CMIP: variants seen among roughly 807,000 people sequenced by gnomAD.
The protein encoded by CMIP is C-Maf-inducing protein.
CMIP carries 13 observed loss-of-function variants against 97.3 expected under a neutral mutation model. That is an observed-to-expected ratio of 0.13 (90% CI 0.09 to 0.21). CMIP has a LOEUF of 0.21. CMIP is among the 10% of genes least tolerant of loss of function. CMIP has a pLI of 1.00. For synonymous variants in CMIP, 538 were observed against 436.3 expected, an observed-to-expected ratio of 1.23 and a Z score of -2.91; for missense variants, 847 against 1,024.9, an observed-to-expected ratio of 0.83 and a Z score of 2.37.
rs546636752 is a variant in CMIP at position 81,582,177 on chromosome 16, C to T, written c.301-25390C>T. Among the ~76,000 whole-genome samples, 5 of 152,280 alleles carry T rather than the reference C, an allele frequency of 3.3e-5. No homozygotes were observed. In the South Asian group the frequency reaches 1.0e-3, roughly 32 times the overall value. ...AACTGCCCCCATGATCCAATCACCT[C>T]CCACAGGCCCCTTCTCCAACATTGG... On this transcript the variant is annotated intron_variant, in intron 1 of 20. Coordinates refer to ENST00000537098, the MANE Select transcript of CMIP (RefSeq NM_198390.3).
intron 1 of CMIP, among the ~76,000 whole-genome samples, chr16:81,463,315 G>C (rs1403674719): frequency 6.6e-6 from 1 of 152,198 alleles, no homozygotes; most frequent in Non-Finnish European, 1.5e-5. Flanking sequence ...AATGACTAGA[G>C]AGGGACAGAG....
intron 10 of CMIP, among the ~76,000 whole-genome samples, chr16:81,683,877 T>G (rs1307874376): frequency 2.1e-5 from 3 of 142,032 alleles, no homozygotes; most frequent in African/African-American, 7.9e-5. Flanking sequence ...TTCTCCTGCC[T>G]CAGCCTCCCC....
At chr16:81,681,399 C>T (rs1395942647) in intron 10 of CMIP, among the ~76,000 whole-genome samples, 2 of 152,200 alleles carry the variant, frequency 1.3e-5, no homozygotes, top group African/African-American at 4.8e-5. Flanking sequence ...AGGTTCAAGT[C>T]TCACCCGTGC....
chr16:81,676,037 C>T (rs1321157852), intron 9 of CMIP, among the ~76,000 whole-genome samples: 1 of 152,168 alleles, frequency 6.6e-6, no homozygotes, highest in Non-Finnish European at 1.5e-5. Context: ...GATTTCAGTT[C>T]CATTCCCCTC....
chr16:81,581,018 C>G (rs1344077837), intron 1 of CMIP, among the ~76,000 whole-genome samples: 1 of 152,154 alleles, frequency 6.6e-6, no homozygotes, highest in Non-Finnish European at 1.5e-5. Flanking sequence ...GCAGTACAAT[C>G]ACACAGTACA....
intron 1 of CMIP, among the ~76,000 whole-genome samples, chr16:81,558,873 C>G (rs2090821485): frequency 1.3e-5 from 2 of 152,340 alleles, no homozygotes; most frequent in South Asian, 4.1e-4. Flanking sequence ...GACTTTGTTC[C>G]CTTCAGCGTC....
At chr16:81,553,951 T>C (rs1335421578) in intron 1 of CMIP, among the ~76,000 whole-genome samples, 2 of 152,228 alleles carry the variant, frequency 1.3e-5, no homozygotes, top group African/African-American at 4.8e-5. Flanking sequence ...GGAGCCACCA[T>C]GCAAGCGTTT....
At chr16:81,632,049 A>G (rs983389979) in intron 3 of CMIP, 1 of 152,222 alleles carries the variant, frequency 6.6e-6, no homozygotes, top group African/African-American at 2.4e-5. Context: ...AAAAAAATCA[A>G]GCTATTACCT....
At chr16:81,589,752 A>G (rs1259895365) in intron 1 of CMIP, among the ~76,000 whole-genome samples, 8 of 152,274 alleles carry the variant, frequency 5.3e-5, no homozygotes. Flanking sequence ...AGAAGCACAC[A>G]TACTCAGGCT....
intron 19 of CMIP, among the ~76,000 whole-genome samples, chr16:81,706,363 G>A (rs959846978): frequency 6.6e-6 from 1 of 152,222 alleles, no homozygotes; most frequent in East Asian, 1.9e-4. Flanking sequence ...GACTCCTACC[G>A]GGCCGCTGGC....
intron 1 of CMIP, among the ~76,000 whole-genome samples, chr16:81,569,814 T>C (rs2091051179): frequency 6.6e-6 from 1 of 152,210 alleles, no homozygotes; most frequent in South Asian, 2.1e-4. Context: ...GACTCGGTTT[T>C]CTCATCTGTA....
In CMIP at chr16:81,445,208, C is replaced by CAA; in HGVS notation, c.-34_-33insAA. ...CCCCAGCAGCCCAGGACAGCCCCCT[C>CAA]TCCCCGCCCCCAGCCCCCTCCCCCG... On this transcript the variant is annotated 5_prime_UTR_variant, in exon 1 of 21. Coordinates refer to ENST00000537098, the MANE Select transcript of CMIP (RefSeq NM_198390.3). The CAA allele has an allele frequency of 7.0e-7, 1 of 1,432,494 alleles. No homozygotes were observed. Among genetic ancestry groups the CAA allele is most frequent in the Non-Finnish European group, 9.3e-7 (1 of 1,080,282 alleles). 88.7% of individuals were successfully genotyped at this position (1,432,494 alleles called of 1,614,324 possible).
chr16:81,706,435 C>T (rs1181545827), intron 19 of CMIP, among the ~76,000 whole-genome samples: 1 of 152,222 alleles, frequency 6.6e-6, no homozygotes, highest in Non-Finnish European at 1.5e-5. Flanking sequence ...GGCAGAGCGG[C>T]AGCGCTCGGC....
intron 1 of CMIP, chr16:81,495,573 G>T: frequency 6.7e-7 from 1 of 1,493,220 alleles, no homozygotes; most frequent in Non-Finnish European, 9.2e-7. Context: ...CTGGCCACAG[G>T]CCAGTGAAAT....
At chr16:81,526,590 G>A in intron 1 of CMIP, among the ~76,000 whole-genome samples, 1 of 152,184 alleles carries the variant, frequency 6.6e-6, no homozygotes. Context: ...TTTGATAGCT[G>A]TTTTTCATTA....
intron 1 of CMIP, among the ~76,000 whole-genome samples, chr16:81,481,039 C>T (rs1908228884): frequency 6.6e-6 from 1 of 152,246 alleles, no homozygotes; most frequent in Non-Finnish European, 1.5e-5. Flanking sequence ...GCTGGAGAAG[C>T]TGTGCACACC....
chr16:81,476,868 G>A (rs182672854), intron 1 of CMIP, among the ~76,000 whole-genome samples: 7 of 151,878 alleles, frequency 4.6e-5, no homozygotes, highest in South Asian at 2.1e-4. Flanking sequence ...CTTACTTCCC[G>A]ACGTCAGCCA....
intron 1 of CMIP, among the ~76,000 whole-genome samples, chr16:81,459,025 T>C (rs544227623): frequency 1.5e-4 from 20 of 131,490 alleles, no homozygotes; most frequent in African/African-American, 2.7e-4. Flanking sequence ...TCACCATCAC[T>C]GTCACCATCA....
At chr16:81,479,556 C>T (rs1322862153) in intron 1 of CMIP, among the ~76,000 whole-genome samples, 2 of 152,146 alleles carry the variant, frequency 1.3e-5, no homozygotes, top group Non-Finnish European at 1.5e-5. Flanking sequence ...TTTTCTATGA[C>T]TTTGACTCCT....
Sources: gnomAD v4.1 joint callset for allele counts (sites outside exome capture counted in the v4.1 genomes callset) on GRCh38, gnomAD v4.1.1 for gene constraint, MANE v1.5 for transcripts, NCBI Gene and HGNC (gene_info 2026-07-23, HGNC 2026-07-21) for gene names.